The following CLASP2 variants were observed in gnomAD, a reference collection of about 807,000 sequenced individuals.
CLASP2 encodes the protein cytoplasmic linker associated protein 2.
In CLASP2, 47 loss-of-function variants were observed where a neutral mutation model predicts 194.4. The observed-to-expected ratio is 0.24, with a 90% CI of 0.19 to 0.31. CLASP2 has a LOEUF of 0.31. Ranked by LOEUF, CLASP2 falls within the 10% of genes least tolerant of loss-of-function variation. The pLI, the probability that CLASP2 is intolerant of heterozygous loss-of-function variation, is 1.00. For synonymous variants in CLASP2, 619 were observed against 633.5 expected (o/e 0.98, Z 0.34); for missense variants, 1,445 against 1,823.6 (o/e 0.79, Z 3.78).
intron 1 of CLASP2, among the ~76,000 whole-genome samples, chr3:33,710,997 G>A (rs548157523): frequency 6.6e-6 from 1 of 152,316 alleles, no homozygotes; most frequent in East Asian, 1.9e-4. Context: ...TGCCTCAGCT[G>A]ACAATGATGA....
intron 36 of CLASP2, among the ~76,000 whole-genome samples, chr3:33,512,945 C>T (rs957221111): frequency 6.6e-6 from 1 of 152,082 alleles, no homozygotes; most frequent in East Asian, 1.9e-4. Context: ...GAGCCAAGAT[C>T]GTGCCACTGC....
chr3:33,557,340 A>G (rs898381898), intron 29 of CLASP2, among the ~76,000 whole-genome samples: 1 of 151,340 alleles, frequency 6.6e-6, no homozygotes, highest in African/African-American at 2.4e-5. Context: ...CTCTATATAT[A>G]TTATCTACTT....
chr3:33,673,331 C>A (rs2087771654), intron 6 of CLASP2, among the ~76,000 whole-genome samples: 1 of 152,126 alleles, frequency 6.6e-6, no homozygotes, highest in Non-Finnish European at 1.5e-5. Context: ...AATTTCATAT[C>A]CAGCCAAACT....
intron 23 of CLASP2, among the ~76,000 whole-genome samples, chr3:33,576,879 T>A (rs1346998094): frequency 6.6e-6 from 1 of 151,376 alleles, no homozygotes; most frequent in Non-Finnish European, 1.5e-5. Context: ...CATTTACAAT[T>A]AAAACACTTC....
intron 35 of CLASP2, 116 bp from the exon 36 acceptor site, chr3:33,516,267 T>C (rs1575733317): frequency 2.3e-6 from 2 of 858,228 alleles, no homozygotes; most frequent in Admixed American, 6.2e-5. Flanking sequence ...GATAACTGCA[T>C]AAAGTATGCG....
intron 3 of CLASP2, among the ~76,000 whole-genome samples, chr3:33,689,486 C>CAATAT (rs2091096163): frequency 6.6e-6 from 1 of 151,664 alleles, no homozygotes; most frequent in South Asian, 2.1e-4. Flanking sequence ...CAGAAATGAA[C>CAATAT]AATATAGCAT....
At position 33,501,704 on chromosome 3, in the gene CLASP2, G is replaced by A. The variant is rs200365117; in HGVS notation, c.4382C>T (p.Ala1461Val). The A allele has an allele frequency of 1.2e-6, 2 of 1,613,270 alleles. No homozygotes were observed. The highest frequency in any genetic ancestry group is 1.3e-5 in the African/African-American group (1 of 74,850). Residue 1461 changes from alanine (A) to valine (V), a missense_variant, in exon 38 of 39, where the codon GCG (alanine) becomes GTG (valine). Coordinates refer to ENST00000682230, the MANE Select transcript of CLASP2 (RefSeq NM_001365631.1). ...ACVFCLVAVH[A>V]VIGDELKPHL... ...TGGTTTTAGTTCATCACCAATTACCGCATGAACAGCCACCAGGCAGAAGAC... is the reference window on the plus strand; with the variant it reads ...TGGTTTTAGTTCATCACCAATTACCACATGAACAGCCACCAGGCAGAAGAC...
chr3:33,668,784 A>G (rs1285874412), intron 6 of CLASP2, among the ~76,000 whole-genome samples: 1 of 152,212 alleles, frequency 6.6e-6, no homozygotes, highest in African/African-American at 2.4e-5. Context: ...CAAGCACAGC[A>G]TGGAAGAAAG....
intron 19 of CLASP2, among the ~76,000 whole-genome samples, chr3:33,595,305 C>T (rs2069963326): frequency 6.6e-6 from 1 of 152,060 alleles, no homozygotes; most frequent in South Asian, 2.1e-4. Flanking sequence ...TGTAATTACT[C>T]TTTGAAAATG....
intron 27 of CLASP2, among the ~76,000 whole-genome samples, chr3:33,565,005 A>T (rs919782607): frequency 5.9e-5 from 9 of 152,148 alleles, no homozygotes; most frequent in Non-Finnish European, 1.3e-4. Flanking sequence ...GTGTGGGTCC[A>T]CTTACACGTG....
chr3:33,678,157 G>C (rs924682965), intron 6 of CLASP2, among the ~76,000 whole-genome samples: 6 of 152,076 alleles, frequency 3.9e-5, no homozygotes, highest in African/African-American at 1.4e-4. Flanking sequence ...TGTTAATGGG[G>C]ATAATAGAAC....
At chr3:33,705,981 G>A (rs1033130986) in intron 1 of CLASP2, among the ~76,000 whole-genome samples, 2 of 152,168 alleles carry the variant, frequency 1.3e-5, no homozygotes, top group Non-Finnish European at 1.5e-5. Flanking sequence ...GGCTGGGTGC[G>A]GTGGCTCATG....
intron 37 of CLASP2, among the ~76,000 whole-genome samples, chr3:33,508,309 A>G (rs1312896322): frequency 1.3e-5 from 2 of 151,918 alleles, no homozygotes; most frequent in Non-Finnish European, 2.9e-5. Context: ...GTGAGCTACC[A>G]CACACTGCCT....
At position 33,496,825 on chromosome 3, in the gene CLASP2, G is replaced by C. The variant is rs1428387585; in HGVS notation, c.*1806C>G. On this transcript the variant is annotated 3_prime_UTR_variant, in exon 39 of 39. Coordinates refer to ENST00000682230, the MANE Select transcript of CLASP2 (RefSeq NM_001365631.1). ...CAGATAAGCTGTAATATATACATGC[G>C]TATGTAGCTATATACCTTTGATTGT... 6.6e-6 allele frequency: 1 copy of C among 152,156 alleles called. No homozygotes were observed. Among genetic ancestry groups the C allele is most frequent in the Non-Finnish European group, 1.5e-5 (1 of 67,992 alleles). The allele number at this position is 152,156 out of a possible 1,614,324, so 9.4% of individuals were successfully genotyped here.
intron 16 of CLASP2, among the ~76,000 whole-genome samples, chr3:33,606,068 G>A (rs1422073647): frequency 6.6e-6 from 1 of 152,024 alleles, no homozygotes; most frequent in Non-Finnish European, 1.5e-5. Flanking sequence ...AGAAAACAGG[G>A]TTATGGCTGC....
intron 7 of CLASP2, among the ~76,000 whole-genome samples, chr3:33,656,467 G>C (rs1250050578): frequency 6.6e-6 from 1 of 152,114 alleles, no homozygotes; most frequent in African/African-American, 2.4e-5. Flanking sequence ...CCATCTGATA[G>C]ACAAATTTTA....
chr3:33,659,348 C>A, intron 7 of CLASP2: 6 of 1,096,536 alleles, frequency 5.5e-6, no homozygotes, highest in Non-Finnish European at 6.6e-6. Flanking sequence ...TGCCATCCCG[C>A]TGGGGGACTT....
intron 1 of CLASP2, among the ~76,000 whole-genome samples, chr3:33,714,478 T>C (rs2093193137): frequency 6.6e-6 from 1 of 152,194 alleles, no homozygotes; most frequent in Admixed American, 6.5e-5. Flanking sequence ...CAGTCTTCCC[T>C]ATTTCAATAA....
chr3:33,570,872 T>TA (rs67476972), intron 25 of CLASP2, 82 bp from the exon 26 acceptor site: 3,058 of 791,194 alleles, frequency 3.9e-3, no homozygotes, highest in Middle Eastern at 0.013. Context: ...TAATTTTCTT[T>TA]AAAAAAAAAA....
Sources: gnomAD v4.1 joint callset for allele counts (sites outside exome capture counted in the v4.1 genomes callset) on GRCh38, gnomAD v4.1.1 for gene constraint, MANE v1.5 for transcripts, NCBI Gene and HGNC (gene_info 2026-07-23, HGNC 2026-07-21) for gene names.